CRISP2: variants seen among roughly 807,000 people sequenced by gnomAD.
CRISP2 encodes cysteine-rich secretory protein 2.
In CRISP2, 29 loss-of-function variants were observed where a neutral mutation model predicts 31.7. The ratio of observed to expected loss-of-function variants is 0.92; its 90% CI spans 0.68 to 1.25. CRISP2 has a LOEUF of 1.25. Ranked by LOEUF, CRISP2 falls within the 50% of genes most tolerant of loss-of-function variation. CRISP2 has a pLI of 0.00. For missense variants in CRISP2, 318 were observed against 286.5 expected, an observed-to-expected ratio of 1.11 and a Z score of -0.79; for synonymous variants, 111 against 101.4, an observed-to-expected ratio of 1.09 and a Z score of -0.57.
the CRISP2 span, among the ~76,000 whole-genome samples, chr6:49,677,773 A>C: frequency 6.6e-6 from 1 of 152,180 alleles, no homozygotes; most frequent in African/African-American, 2.4e-5. Flanking sequence ...ATGAATAAAC[A>C]TACACTTAAG....
At chr6:49,703,158 T>C (rs1766394836) in intron 4 of CRISP2, among the ~76,000 whole-genome samples, 1 of 150,260 alleles carries the variant, frequency 6.7e-6, no homozygotes, top group South Asian at 2.1e-4. Context: ...GAGTTCTCTA[T>C]TCTGTTCCAT....
chr6:49,692,217 A>C (rs562718700), downstream of CRISP2: 4 of 151,968 alleles, frequency 2.6e-5, no homozygotes, highest in East Asian at 7.8e-4. Flanking sequence ...CTGTTTTATC[A>C]TTTATCTCAG....
At chr6:49,680,374 A>G in the CRISP2 span, among the ~76,000 whole-genome samples, 1 of 152,074 alleles carries the variant, frequency 6.6e-6, no homozygotes, top group Admixed American at 6.6e-5. Context: ...GTGTATATGT[A>G]CCACATTTTC....
At chr6:49,701,974 A>AT (rs376281136) in intron 4 of CRISP2, among the ~76,000 whole-genome samples, 225 of 1,646 alleles carry the variant, frequency 0.14, 1 homozygote, top group Non-Finnish European at 0.16. Flanking sequence ...TACATAATAT[A>AT]TAATATATAT....
chr6:49,695,833 T>G lies in CRISP2; in HGVS notation c.604+3A>C, dbSNP rs1561863069. ...AATAGCAAGCTAATCACTTCAAACTTACTGCATAGTCCTTTGTCACAGTCA... is the reference window on the plus strand; with the variant it reads ...AATAGCAAGCTAATCACTTCAAACTGACTGCATAGTCCTTTGTCACAGTCA... On this transcript the variant is annotated splice_donor_region_variant and intron_variant, in intron 9 of 9. Coordinates refer to ENST00000339139, the MANE Select transcript of CRISP2 (RefSeq NM_003296.4). 6.3e-7 allele frequency: 1 copy of G among 1,598,470 alleles called. No homozygotes were observed. Among genetic ancestry groups the G allele is most frequent in the East Asian group, 2.2e-5 (1 of 44,622 alleles).
At chr6:49,683,685 A>ATG in the CRISP2 span, among the ~76,000 whole-genome samples, 1 of 44,660 alleles carries the variant, frequency 2.2e-5, no homozygotes, top group African/African-American at 6.4e-5. Context: ...AAAAAAAAAA[A>ATG]AAAAAAAAAA....
the CRISP2 span, among the ~76,000 whole-genome samples, chr6:49,682,886 C>T: frequency 2.0e-5 from 3 of 151,050 alleles, no homozygotes; most frequent in Non-Finnish European, 4.4e-5. Flanking sequence ...TTACCAGGCA[C>T]AGTGGCTCAC....
intron 9 of CRISP2, among the ~76,000 whole-genome samples, chr6:49,694,041 G>T (rs564131901): frequency 1.3e-5 from 2 of 152,094 alleles, no homozygotes; most frequent in Admixed American, 1.3e-4. Flanking sequence ...AATTATCCTA[G>T]TCTTTGCAGT....
intron 1 of CRISP2, among the ~76,000 whole-genome samples, chr6:49,712,871 G>A (rs1458881577): frequency 6.6e-6 from 1 of 152,110 alleles, no homozygotes; most frequent in Non-Finnish European, 1.5e-5. Context: ...TAACTTGCTT[G>A]GAAAATTGCA....
At chr6:49,679,165 TAA>T in the CRISP2 span, among the ~76,000 whole-genome samples, 1 of 152,200 alleles carries the variant, frequency 6.6e-6, no homozygotes, top group Admixed American at 6.6e-5. Context: ...ACTGTTGTCA[TAA>T]GTCATTTTTG....
At chr6:49,700,644 T>C in intron 5 of CRISP2, 24 bp downstream of exon 5, 1 of 1,437,506 alleles carries the variant, frequency 7.0e-7, no homozygotes, top group South Asian at 1.1e-5. Context: ...TTCACACCCA[T>C]CTCCTTACAG....
At chr6:49,697,153 A>T (rs966777338) in intron 8 of CRISP2, among the ~76,000 whole-genome samples, 1 of 152,128 alleles carries the variant, frequency 6.6e-6, no homozygotes, top group Non-Finnish European at 1.5e-5. Flanking sequence ...TCAAACACTA[A>T]ATTTGATATT....
intron 8 of CRISP2, 133 bp from the exon 9 acceptor site, chr6:49,696,057 C>T (rs1764684946): frequency 1.8e-6 from 1 of 543,254 alleles, no homozygotes. Flanking sequence ...AATTACAATT[C>T]CCAATGTGTA....
chr6:49,705,323 T>C (rs1198756300), intron 4 of CRISP2, among the ~76,000 whole-genome samples: 1 of 152,118 alleles, frequency 6.6e-6, no homozygotes, highest in Non-Finnish European at 1.5e-5. Context: ...ACTAAGCTCC[T>C]AGTCAGCCAG....
chr6:49,692,755 C>T lies in CRISP2; in HGVS notation c.*18G>A, dbSNP rs1191895981. ...CAGCCCTTATCCATGCAGTCTTGCACAATGCTCACTAGGTAAATCAGTAAA... is the reference window on the plus strand; with the variant it reads ...CAGCCCTTATCCATGCAGTCTTGCATAATGCTCACTAGGTAAATCAGTAAA... On this transcript the variant is annotated 3_prime_UTR_variant, in exon 10 of 10. Coordinates refer to ENST00000339139, the MANE Select transcript of CRISP2 (RefSeq NM_003296.4). The T allele has an allele frequency of 6.2e-7, 1 of 1,608,600 alleles. No individual in the cohort carries two copies. The highest frequency in any genetic ancestry group is 2.2e-5 in the East Asian group (1 of 44,740).
At chr6:49,701,878 T>A (rs1414833974) in intron 4 of CRISP2, among the ~76,000 whole-genome samples, 4 of 101,246 alleles carry the variant, frequency 4.0e-5, no homozygotes, top group Non-Finnish European at 7.3e-5. Flanking sequence ...ATATTATGTA[T>A]TATATATTAT....
At chr6:49,707,550 G>C (rs891896277) in intron 4 of CRISP2, among the ~76,000 whole-genome samples, 12 of 152,138 alleles carry the variant, frequency 7.9e-5, no homozygotes, top group Non-Finnish European at 4.4e-5. Context: ...TTGGAAACAG[G>C]TATGAAAGAA....
At chr6:49,702,794 T>A (rs1258268402) in intron 4 of CRISP2, among the ~76,000 whole-genome samples, 1 of 152,066 alleles carries the variant, frequency 6.6e-6, no homozygotes, top group African/African-American at 2.4e-5. Flanking sequence ...TGAGGAAGCT[T>A]TTTAGTTTAA....
the CRISP2 span, among the ~76,000 whole-genome samples, chr6:49,680,826 T>G: frequency 6.6e-6 from 1 of 152,194 alleles, no homozygotes. Flanking sequence ...TTCATATCCT[T>G]TTCCCACTTT....
Sources: allele counts gnomAD v4.1 joint callset (sites outside exome capture counted in the v4.1 genomes callset), GRCh38; gene constraint gnomAD v4.1.1; transcripts MANE v1.5; gene names NCBI Gene and HGNC (gene_info 2026-07-23, HGNC 2026-07-21).